The following FAM219A variants were observed in gnomAD, a reference collection of about 807,000 sequenced individuals.
The protein encoded by FAM219A is family with sequence similarity 219 member A.
In FAM219A, 7 loss-of-function variants were observed where a neutral mutation model predicts 23.4. That is an observed-to-expected ratio of 0.30 (90% confidence interval 0.17 to 0.56). FAM219A has a LOEUF of 0.56. Among genes scored for constraint, FAM219A ranks in the 20% least tolerant of loss-of-function variants. The probability of loss-of-function intolerance (pLI) is 0.92; values close to 1 mark genes in which losing one functional copy is unlikely to be tolerated. For missense variants in FAM219A, 166 were observed against 246.9 expected (o/e 0.67, Z 2.20); for synonymous variants, 93 against 99.0 (o/e 0.94, Z 0.36).
At chr9:34,406,715 T>C (rs1821647937) in intron 1 of FAM219A, among the ~76,000 whole-genome samples, 1 of 152,042 alleles carries the variant, frequency 6.6e-6, no homozygotes, top group African/African-American at 2.4e-5. Flanking sequence ...CTGTGTATTG[T>C]CCTGAGTCTG....
At chr9:34,404,338 G>A (rs1415736730) in intron 2 of FAM219A, among the ~76,000 whole-genome samples, 1 of 152,196 alleles carries the variant, frequency 6.6e-6, no homozygotes, top group African/African-American at 2.4e-5. Flanking sequence ...GGCTTGGAAT[G>A]GTTACCTCTT....
At chr9:34,406,197 C>G in intron 1 of FAM219A, 1 of 766,816 alleles carries the variant, frequency 1.3e-6, no homozygotes, top group South Asian at 5.9e-5. Flanking sequence ...AACTTGGTGT[C>G]TGTCCTCAAA....
At chr9:34,440,426 T>C (rs554770652) in intron 1 of FAM219A, among the ~76,000 whole-genome samples, 1 of 152,166 alleles carries the variant, frequency 6.6e-6, no homozygotes, top group South Asian at 2.1e-4. Context: ...TGTATTTGTC[T>C]GGGGCACATG....
At chr9:34,418,778 G>C (rs1480345016) in intron 1 of FAM219A, among the ~76,000 whole-genome samples, 1 of 152,154 alleles carries the variant, frequency 6.6e-6, no homozygotes, top group Non-Finnish European at 1.5e-5. Context: ...GATCTACAAT[G>C]GTTAAAATTG....
rs1017089017 is a variant in FAM219A, at chr9:34,417,591, T to C, written c.61-11627A>G. 6.6e-6 allele frequency among the ~76,000 whole-genome samples: 1 copy of C among 152,240 alleles called. No individual in the cohort carries two copies. Among genetic ancestry groups the C allele is most frequent in the African/African-American group, 2.4e-5 (1 of 41,464 alleles). On this transcript the variant is annotated intron_variant, in intron 1 of 5. Coordinates refer to ENST00000651358, the MANE Select transcript of FAM219A (RefSeq NM_001184940.2). This position sits in a 1 kb window ranked among gnomAD's most constrained non-coding sequence, Gnocchi z 4.1. ...GAGTGCTTTTAAGTTTCTTGATAGATATTGCCAAAATGCTTTCCCAAAGGA... is the reference window on the plus strand; with the variant it reads ...GAGTGCTTTTAAGTTTCTTGATAGACATTGCCAAAATGCTTTCCCAAAGGA...
chr9:34,401,894 T>C (rs1588028197), intron 4 of FAM219A, among the ~76,000 whole-genome samples, 174 bp from the exon 5 acceptor site: 1 of 152,208 alleles, frequency 6.6e-6, no homozygotes, highest in East Asian at 1.9e-4. Context: ...ACAAGTTCCC[T>C]AGCCCCACCC....
chr9:34,421,217 C>T (rs11788370), intron 1 of FAM219A, among the ~76,000 whole-genome samples: 20,309 of 151,638 alleles, frequency 0.13, 1,722 homozygotes, highest in East Asian at 0.28. Flanking sequence ...GTTAACCCTA[C>T]TTATGAACTC....
In FAM219A at chr9:34,406,086, G is replaced by C. The variant is rs991573435; in HGVS notation, c.61-122C>G. On this transcript the variant is annotated intron_variant, in intron 1 of 5. Transcript: ENST00000651358. ...CTTCTGTGAGCATTCACCCCTCAGAGCAGGCAGGGCATTCAGGGAGAGAGG... is the reference window on the plus strand; with the variant it reads ...CTTCTGTGAGCATTCACCCCTCAGACCAGGCAGGGCATTCAGGGAGAGAGG... 25 of 1,044,142 alleles carry C rather than the reference G, an allele frequency of 2.4e-5. No homozygotes were observed. The Admixed American group carries it at 6.7e-4, about 28-fold the overall frequency. 64.7% of individuals were successfully genotyped at this position (1,044,142 alleles called of 1,614,324 possible). A position where few individuals can be genotyped will look rare whatever the true frequency, so the allele number is the denominator to read the frequency against.
chr9:34,410,275 G>A (rs1437930445), intron 1 of FAM219A, among the ~76,000 whole-genome samples: 1 of 152,218 alleles, frequency 6.6e-6, no homozygotes, highest in Non-Finnish European at 1.5e-5. Context: ...ACTTGTTGGA[G>A]CTGTGGGTAG....
intron 2 of FAM219A, among the ~76,000 whole-genome samples, chr9:34,403,080 G>T (rs1821511665): frequency 6.6e-6 from 1 of 152,196 alleles, no homozygotes; most frequent in South Asian, 2.1e-4. Flanking sequence ...TGTACTTGAT[G>T]CCAGGGAAAG....
intron 2 of FAM219A, 145 bp from the exon 3 acceptor site, chr9:34,402,952 C>G: frequency 1.5e-6 from 1 of 672,714 alleles, no homozygotes; most frequent in African/African-American, 1.8e-5. Flanking sequence ...CAGGCCCCTG[C>G]TGCTTGGTGG....
intron 1 of FAM219A, among the ~76,000 whole-genome samples, chr9:34,420,506 C>A (rs879352492): frequency 6.6e-6 from 1 of 152,180 alleles, no homozygotes; most frequent in Admixed American, 6.5e-5. Context: ...TGCCACAGGG[C>A]ACTCACTTAC....
At chr9:34,439,506 C>T (rs928757259) in intron 1 of FAM219A, among the ~76,000 whole-genome samples, 30 of 151,964 alleles carry the variant, frequency 2.0e-4, no homozygotes, top group African/African-American at 6.5e-4. Flanking sequence ...TACATACTTA[C>T]GTAAAATTAT....
chr9:34,426,161 C>G (rs924150635), intron 1 of FAM219A, among the ~76,000 whole-genome samples: 1 of 152,166 alleles, frequency 6.6e-6, no homozygotes, highest in Non-Finnish European at 1.5e-5. Flanking sequence ...CCTAATTTCA[C>G]AGGCAGTAGG....
chr9:34,454,351 A>G (rs1823660869), intron 1 of FAM219A, among the ~76,000 whole-genome samples: 1 of 152,210 alleles, frequency 6.6e-6, no homozygotes, highest in Admixed American at 6.5e-5. Flanking sequence ...CAGGAGAATC[A>G]CTTGAACCCT....
intron 1 of FAM219A, among the ~76,000 whole-genome samples, chr9:34,425,358 T>C (rs1822420244): frequency 6.6e-6 from 1 of 152,048 alleles, no homozygotes; most frequent in Admixed American, 6.6e-5. Flanking sequence ...TGGGTGCCTG[T>C]AATCCCAGCT....
chr9:34,431,392 A>C (rs1390293696), intron 1 of FAM219A, among the ~76,000 whole-genome samples: 1 of 152,178 alleles, frequency 6.6e-6, no homozygotes, highest in Non-Finnish European at 1.5e-5. Context: ...TCACACACGC[A>C]TATACATGCA....
chr9:34,443,322 G>A (rs986431753), intron 1 of FAM219A, among the ~76,000 whole-genome samples: 16 of 152,084 alleles, frequency 1.1e-4, no homozygotes, highest in African/African-American at 2.7e-4. Flanking sequence ...AGACTCAGCC[G>A]CCCTCTACAC....
chr9:34,413,935 T>A (rs934981985), intron 1 of FAM219A, among the ~76,000 whole-genome samples: 1 of 152,222 alleles, frequency 6.6e-6, no homozygotes, highest in Admixed American at 6.5e-5. Context: ...CACAAATTTA[T>A]CCATTGGTCA....
Sources: allele counts gnomAD v4.1 joint callset (sites outside exome capture counted in the v4.1 genomes callset), GRCh38; gene constraint gnomAD v4.1.1; non-coding constraint Gnocchi (gnomAD v3.1); transcripts MANE v1.5; gene names NCBI Gene and HGNC (gene_info 2026-07-23, HGNC 2026-07-21).